Variants in ASTL observed in about 807,000 individuals in gnomAD.
ASTL encodes the protein astacin like metalloendopeptidase, also known as astacin-like metalloendopeptidase.
In ASTL, 27 loss-of-function variants were observed where a neutral mutation model predicts 36.7. The ratio of observed to expected loss-of-function variants is 0.73; its 90% CI spans 0.54 to 1.01. The LOEUF (loss-of-function observed/expected upper bound fraction) is 1.01. Ranked by LOEUF, ASTL falls within the 50% of genes least tolerant of loss-of-function variation. The pLI, the probability that ASTL is intolerant of heterozygous loss-of-function variation, is 0.00. For synonymous variants in ASTL, 222 were observed against 228.1 expected (o/e 0.97, Z 0.24); for missense variants, 524 against 572.8 (o/e 0.91, Z 0.87).
chr2:96,136,220 G>A (rs1682296638), intron 2 of ASTL, among the ~76,000 whole-genome samples: 1 of 152,228 alleles, frequency 6.6e-6, no homozygotes, highest in South Asian at 2.1e-4. Context: ...AAATGACACC[G>A]CTGACTTGTA....
At chr2:96,138,342 G>T (rs759331963) in intron 1 of ASTL, 40 bp downstream of exon 1, 1 of 1,576,340 alleles carries the variant, frequency 6.3e-7, no homozygotes, top group Non-Finnish European at 8.6e-7. Flanking sequence ...GCTTTCTCCA[G>T]GCTGGAGCCA....
chr2:96,131,921 T>C (rs1040978608), intron 6 of ASTL, among the ~76,000 whole-genome samples: 5 of 152,084 alleles, frequency 3.3e-5, no homozygotes, highest in Non-Finnish European at 7.4e-5. Flanking sequence ...GACCCCACCA[T>C]CACCAGGATC....
intron 8 of ASTL, among the ~76,000 whole-genome samples, chr2:96,126,036 A>C (rs1266082387): frequency 2.0e-5 from 3 of 152,152 alleles, no homozygotes; most frequent in African/African-American, 7.2e-5. Context: ...TCAAGGGTTC[A>C]CTCCAAATAG....
rs781016216 is a variant in ASTL, at chr2:96,137,711, C to T, written c.56-11G>A. 6.2e-7 allele frequency: 1 copy of T among 1,609,452 alleles called. No individual in the cohort carries two copies. Among genetic ancestry groups the T allele is most frequent in the Non-Finnish European group, 8.5e-7 (1 of 1,177,984 alleles). ...CTCCTAGGATCACACCTGGTCCAGA[C>T]AGACAGGGGCATACACAGATGCCTG... On this transcript the variant is annotated splice_polypyrimidine_tract_variant and intron_variant, in intron 1 of 8. Transcript: ENST00000342380.
intron 3 of ASTL, 42 bp downstream of exon 3, chr2:96,135,309 G>C (rs920379586): frequency 6.3e-7 from 1 of 1,588,164 alleles, no homozygotes; most frequent in African/African-American, 1.3e-5. Flanking sequence ...GTCGCCAACT[G>C]TGGGCTTATC....
chr2:96,126,944 C>T (rs934393388), intron 8 of ASTL, among the ~76,000 whole-genome samples: 3 of 151,962 alleles, frequency 2.0e-5, no homozygotes, highest in African/African-American at 7.3e-5. Context: ...AAAGAAATGA[C>T]ATGTTGACAC....
intron 6 of ASTL, 106 bp from the exon 7 acceptor site, chr2:96,130,251 C>A: frequency 2.4e-6 from 2 of 842,778 alleles, no homozygotes; most frequent in Non-Finnish European, 2.0e-6. Flanking sequence ...CTCACCCAAG[C>A]TGAGGGGCTG....
chr2:96,128,947 C>A (rs1251254592), intron 8 of ASTL, among the ~76,000 whole-genome samples: 1 of 151,330 alleles, frequency 6.6e-6, no homozygotes, highest in East Asian at 1.9e-4. Context: ...GATTGAGGCA[C>A]AAGAATCACT....
chr2:96,132,460 C>T lies in ASTL; in HGVS notation c.637+80G>A, dbSNP rs1345100719. 3.6e-5 allele frequency: 48 copies of T among 1,349,256 alleles called. No homozygotes were observed. The highest frequency in any genetic ancestry group is 4.8e-5 in the Non-Finnish European group (47 of 984,820). 83.6% of individuals were successfully genotyped at this position (1,349,256 alleles called of 1,614,324 possible). On this transcript the variant is annotated intron_variant, in intron 6 of 8. Transcript: ENST00000342380. The surrounding 1 kb of genome is among the most constrained non-coding windows in gnomAD (Gnocchi z 5.4). Reference sequence around the variant, plus strand: ...GATGGGGAGGATGGATAGCCTCACCCATGGGGACCAGGCGACTTGGGCCCA... The same window carrying T: ...GATGGGGAGGATGGATAGCCTCACCTATGGGGACCAGGCGACTTGGGCCCA...
rs1056293092 is a variant in ASTL, at chr2:96,135,567, G to A, written c.182-155C>T. 3.3e-5 allele frequency among the ~76,000 whole-genome samples: 5 copies of A among 152,284 alleles called. No individual in the cohort carries two copies. In the East Asian group the frequency reaches 9.6e-4, roughly 29 times the overall value. On this transcript the variant is annotated intron_variant, in intron 2 of 8. Coordinates refer to ENST00000342380, the MANE Select transcript of ASTL (RefSeq NM_001002036.4). The stretch of plus-strand genomic sequence containing the variant: ...TCTTAAATAGCCTGATAAAAGTATA[G>A]GTCATCGGCTCTCCGAGCCTGGGTG...
chr2:96,136,624 G>A (rs1245386519), intron 2 of ASTL, among the ~76,000 whole-genome samples: 3 of 152,162 alleles, frequency 2.0e-5, no homozygotes, highest in African/African-American at 2.4e-5. Flanking sequence ...GCTCACAGAG[G>A]AAGAAGGGGG....
chr2:96,129,466 G>C (rs1038541832), intron 8 of ASTL, among the ~76,000 whole-genome samples: 2 of 151,932 alleles, frequency 1.3e-5, no homozygotes, highest in African/African-American at 2.4e-5. Context: ...TAGTTTCTTT[G>C]GCTCTACCTC....
In ASTL at chr2:96,134,055, G is replaced by T; in HGVS notation, c.247C>A (p.Pro83Thr). ...LIEGDIIRPS[P>T]FRLLSATSNK... Reference sequence around the variant, plus strand: ...CTGGTTGCTGACAGCAGTCGGAAGGGACTCTGAGGAGAGAGCAGCAGTTCA... The same window carrying T: ...CTGGTTGCTGACAGCAGTCGGAAGGTACTCTGAGGAGAGAGCAGCAGTTCA... Residue 83 changes from proline to threonine, a missense_variant, in exon 4 of 9, where the codon CCC (proline) becomes ACC (threonine). Coordinates refer to ENST00000342380, the MANE Select transcript of ASTL (RefSeq NM_001002036.4). The T allele has an allele frequency of 6.2e-7, 1 of 1,612,206 alleles. No individual in the cohort carries two copies. The highest frequency in any genetic ancestry group is 1.1e-5 in the South Asian group (1 of 91,006).
In ASTL at chr2:96,133,507, C is replaced by G. The variant is rs1682230132; in HGVS notation, c.373G>C (p.Ala125Pro). Reference protein sequence around the residue: ...PSRQVILEALAEFERSTCIRF... With the variant: ...PSRQVILEALPEFERSTCIRF... ...ATGCACGTGGAACGTTCAAACTCCG[C>G]AAGAGCCTCCAGGATGACCTGGCGG... The change falls in exon 5 of 9, where the codon GCG (alanine) becomes CCG (proline). Residue 125 changes from alanine to proline, a missense_variant. Ala to Pro is a conservative substitution (Grantham distance 27, BLOSUM62 -1). Coordinates refer to ENST00000342380, the MANE Select transcript of ASTL (RefSeq NM_001002036.4). 1 of 1,614,174 alleles carries G rather than the reference C, an allele frequency of 6.2e-7. No individual in the cohort carries two copies. The highest frequency in any genetic ancestry group is 8.5e-7 in the Non-Finnish European group (1 of 1,180,018).
chr2:96,137,786 G>A lies in ASTL; in HGVS notation c.56-86C>T, dbSNP rs1682335340. 8 of 1,383,172 alleles carry A rather than the reference G, an allele frequency of 5.8e-6. No homozygotes were observed. In the Admixed American group the frequency reaches 1.1e-4, roughly 20 times the overall value. The allele number at this position is 1,383,172 out of a possible 1,614,324, so 85.7% of individuals were successfully genotyped here. A position where few individuals can be genotyped will look rare whatever the true frequency, so the allele number is the denominator to read the frequency against. On this transcript the variant is annotated intron_variant, in intron 1 of 8. Transcript: ENST00000342380. ...AGCAGGACATGGGGTGGGTGTGGGGGATCAGACGGTAAGACTCAGTCCCTA... is the reference window on the plus strand; with the variant it reads ...AGCAGGACATGGGGTGGGTGTGGGGAATCAGACGGTAAGACTCAGTCCCTA...
intron 2 of ASTL, among the ~76,000 whole-genome samples, 194 bp from the exon 3 acceptor site, chr2:96,135,606 T>C (rs2104777055): frequency 6.6e-6 from 1 of 152,366 alleles, no homozygotes; most frequent in South Asian, 2.1e-4. Flanking sequence ...AGTTAAGTCA[T>C]TAGTTGATGT....
chr2:96,133,539 T>G lies in ASTL; in HGVS notation c.341A>C (p.Glu114Ala). ...CTCCAGGATGACCTGGCGGCTGGGC[T>G]CATCTGGAAGACACCACCTGGCTGA... ...VPFLLSSKYD[E>A]PSRQVILEAL... The change falls in exon 5 of 9, where the codon GAG becomes GCG. Residue 114 changes from glutamate (E) to alanine (A), a missense_variant. Physicochemically the swap from Glu to Ala is moderately radical, Grantham distance 107. Transcript: ENST00000342380. 1 of 1,613,066 alleles carries G rather than the reference T, an allele frequency of 6.2e-7. No homozygotes were observed. The highest frequency in any genetic ancestry group is 8.5e-7 in the Non-Finnish European group (1 of 1,179,036).
Position 96,132,553 on chromosome 2 carries a change from G to T in ASTL, c.624C>A (p.Asn208Lys), listed in dbSNP as rs772118993. 2 of 1,598,642 alleles carry T rather than the reference G, an allele frequency of 1.3e-6. No individual in the cohort carries two copies. Among genetic ancestry groups the T allele is most frequent in the Admixed American group, 3.4e-5 (2 of 59,608 alleles). ...DRDRYIRVNW[N>K]EILPGFEINF... ...GGCCTGGCTCACCTGGCAGGATCTCGTTCCAGTTGACACGGATATAGCGGT... is the reference window on the plus strand; with the variant it reads ...GGCCTGGCTCACCTGGCAGGATCTCTTTCCAGTTGACACGGATATAGCGGT... The change falls in exon 6 of 9, where the codon AAC (asparagine) becomes AAA (lysine). Residue 208 changes from asparagine to lysine, a missense_variant. Transcript: ENST00000342380. The surrounding 1 kb of genome is among the most constrained non-coding windows in gnomAD (Gnocchi z 5.4).
At chr2:96,131,459 A>G (rs1682177068) in intron 6 of ASTL, among the ~76,000 whole-genome samples, 1 of 152,144 alleles carries the variant, frequency 6.6e-6, no homozygotes, top group Non-Finnish European at 1.5e-5. Context: ...TTTTCATGGC[A>G]TTTCATGGTA....
Sources: gnomAD v4.1 joint callset for allele counts (sites outside exome capture counted in the v4.1 genomes callset) on GRCh38, gnomAD v4.1.1 for gene constraint, Gnocchi (gnomAD v3.1) non-coding constraint, MANE v1.5 for transcripts, NCBI Gene and HGNC (gene_info 2026-07-23, HGNC 2026-07-21) for gene names.